DAB2IP: variants seen among roughly 807,000 people sequenced by gnomAD.
DAB2IP encodes disabled homolog 2-interacting protein.
Under a neutral mutation model 107.2 loss-of-function variants are expected in DAB2IP, and 28 were observed. That is an observed-to-expected ratio of 0.26 (90% CI 0.19 to 0.36). The LOEUF is 0.36. Ranked by LOEUF, DAB2IP falls within the 10% of genes least tolerant of loss-of-function variation. The pLI, the probability that DAB2IP is intolerant of heterozygous loss-of-function variation, is 1.00. For missense variants in DAB2IP, 1,400 were observed against 1,644.7 expected (o/e 0.85, Z 2.57); for synonymous variants, 755 against 706.4 (o/e 1.07, Z -1.09).
chr9:121,585,847 T>TAAAA (rs56837404), intron 1 of DAB2IP, among the ~76,000 whole-genome samples: 1 of 148,962 alleles, frequency 6.7e-6, no homozygotes, highest in African/African-American at 2.5e-5. Context: ...GTTAGGGATT[T>TAAAA]AAAAAAAAAA....
chr9:121,587,784 C>A (rs1830339735), intron 1 of DAB2IP, among the ~76,000 whole-genome samples: 1 of 151,910 alleles, frequency 6.6e-6, no homozygotes, highest in South Asian at 2.1e-4. Context: ...GGGAGACCCA[C>A]TGGTAGATAA....
At chr9:121,671,064 C>A (rs1164937825) in intron 1 of DAB2IP, among the ~76,000 whole-genome samples, 1 of 152,058 alleles carries the variant, frequency 6.6e-6, no homozygotes, top group Non-Finnish European at 1.5e-5. Flanking sequence ...GGCAGGAGAA[C>A]CGCTTGAACC....
Position 121,772,976 on chromosome 9 carries a change from G to A in DAB2IP, c.2448G>A (p.Ala816=), listed in dbSNP as rs777515218. Residue 816 remains alanine (A), a synonymous_variant, in exon 12 of 16, where the codon GCG becomes GCA. Coordinates refer to ENST00000408936, the Ensembl canonical transcript of DAB2IP. This position sits in a 1 kb window ranked among gnomAD's most constrained non-coding sequence, Gnocchi z 4.7. ...CCACACCAGGCACCTCCGAGGGCGC[G>A]CCAGGCCGGCCCCAGCTGTTGGCAC... 2.2e-5 allele frequency: 36 copies of A among 1,601,344 alleles called. No individual in the cohort carries two copies. The highest frequency in any genetic ancestry group is 1.2e-4 in the South Asian group (11 of 89,916).
At chr9:121,735,926 C>T (rs1056686117) in intron 3 of DAB2IP, among the ~76,000 whole-genome samples, 2 of 152,200 alleles carry the variant, frequency 1.3e-5, no homozygotes, top group Admixed American at 6.5e-5. Flanking sequence ...TGGGCGCAAT[C>T]GGGAACCTGG....
At chr9:121,757,857 A>G (rs1388363368) in intron 4 of DAB2IP, among the ~76,000 whole-genome samples, 2 of 152,252 alleles carry the variant, frequency 1.3e-5, no homozygotes, top group African/African-American at 2.4e-5. Flanking sequence ...ATAATCATGC[A>G]TAACTAGGAG....
At chr9:121,732,617 C>G (rs898587061) in intron 3 of DAB2IP, among the ~76,000 whole-genome samples, 3 of 152,084 alleles carry the variant, frequency 2.0e-5, no homozygotes, top group African/African-American at 7.2e-5. Flanking sequence ...CAGCTCAAAA[C>G]TAGGTGAGTG....
chr9:121,751,818 T>C, intron 3 of DAB2IP: 1 of 539,200 alleles, frequency 1.9e-6, no homozygotes, highest in Non-Finnish European at 2.4e-6. Flanking sequence ...CCAGTGGAAC[T>C]CCCATTCCCC....
chr9:121,631,834 A>G (rs1487540016), intron 1 of DAB2IP, among the ~76,000 whole-genome samples: 2 of 151,218 alleles, frequency 1.3e-5, no homozygotes, highest in African/African-American at 4.9e-5. Context: ...AAAAAAAAAA[A>G]AAAAAGAAGC....
chr9:121,779,920 C>T (rs933337491), intron 14 of DAB2IP, among the ~76,000 whole-genome samples: 4 of 152,264 alleles, frequency 2.6e-5, no homozygotes, highest in Admixed American at 6.5e-5. Flanking sequence ...CTCCTCAACT[C>T]AGTGAGGCTG....
At chr9:121,623,902 G>A (rs1831557241) in intron 1 of DAB2IP, among the ~76,000 whole-genome samples, 1 of 152,134 alleles carries the variant, frequency 6.6e-6, no homozygotes, top group South Asian at 2.1e-4. Context: ...TGACCAGGCG[G>A]GTTAAGGTTT....
chr9:121,783,924 G>A (rs922751741), exon 16 of DAB2IP: 40 of 286,594 alleles, frequency 1.4e-4, no homozygotes, highest in Middle Eastern at 1.1e-3. Flanking sequence ...AAGAAGGGTG[G>A]GAGTGGGGCC....
chr9:121,779,917 A>G (rs923246929), intron 14 of DAB2IP, among the ~76,000 whole-genome samples: 3 of 152,060 alleles, frequency 2.0e-5, no homozygotes, highest in African/African-American at 7.2e-5. Flanking sequence ...TGTCTCCTCA[A>G]CTCAGTGAGG....
At chr9:121,769,831 C>T (rs539963076) in intron 10 of DAB2IP, among the ~76,000 whole-genome samples, 1 of 152,222 alleles carries the variant, frequency 6.6e-6, no homozygotes, top group African/African-American at 2.4e-5. Context: ...GGAAGGTGAT[C>T]AGTATTGTCA....
At chr9:121,715,593 T>G (rs866104360) in intron 3 of DAB2IP, among the ~76,000 whole-genome samples, 6 of 152,136 alleles carry the variant, frequency 3.9e-5, no homozygotes, top group Admixed American at 6.5e-5. Flanking sequence ...GACCTCGTGA[T>G]CTGCCTGCCT....
chr9:121,591,608 G>A (rs1254060094), intron 1 of DAB2IP, among the ~76,000 whole-genome samples: 1 of 152,206 alleles, frequency 6.6e-6, no homozygotes, highest in Non-Finnish European at 1.5e-5. Context: ...TCTGTGCTTT[G>A]AAAACCTAAT....
At chr9:121,679,442 A>C (rs1828463201) in intron 2 of DAB2IP, among the ~76,000 whole-genome samples, 1 of 151,608 alleles carries the variant, frequency 6.6e-6, no homozygotes, top group Non-Finnish European at 1.5e-5. Context: ...ACACACACAC[A>C]CACACACACA....
chr9:121,756,451 G>T (rs1589650453), intron 3 of DAB2IP, among the ~76,000 whole-genome samples: 2 of 152,326 alleles, frequency 1.3e-5, no homozygotes, highest in Middle Eastern at 6.8e-3. Context: ...TTCGAGACTC[G>T]CCTCGCCTCG....
intron 3 of DAB2IP, among the ~76,000 whole-genome samples, chr9:121,725,051 T>C (rs1831155745): frequency 1.3e-5 from 2 of 152,162 alleles, no homozygotes; most frequent in East Asian, 1.9e-4. Context: ...ACCAGCCGCC[T>C]CCAGGCTTCT....
chr9:121,775,659 AC>A (rs1835149922), intron 13 of DAB2IP, among the ~76,000 whole-genome samples: 1 of 152,070 alleles, frequency 6.6e-6, no homozygotes, highest in Non-Finnish European at 1.5e-5. Context: ...AGCCTGGACC[AC>A]CTGCCTTTCA....
Sources: gnomAD v4.1 joint callset for allele counts (sites outside exome capture counted in the v4.1 genomes callset) on GRCh38, gnomAD v4.1.1 for gene constraint, Gnocchi (gnomAD v3.1) non-coding constraint, MANE v1.5 for transcripts, NCBI Gene and HGNC (gene_info 2026-07-23, HGNC 2026-07-21) for gene names.